Variants in PTPRD observed in about 807,000 individuals in gnomAD.
The protein encoded by PTPRD is protein tyrosine phosphatase receptor type D.
A neutral mutation model predicts 214.5 loss-of-function variants in PTPRD; 34 were observed. That is an observed-to-expected ratio of 0.16 (90% confidence interval 0.12 to 0.21). PTPRD has a LOEUF of 0.21. Among genes scored for constraint, PTPRD ranks in the 10% least tolerant of loss-of-function variants. The pLI is 1.00. For synonymous variants in PTPRD, 1,128 were observed against 845.7 expected (o/e 1.33, Z -5.79); for missense variants, 2,545 against 2,398.7 (o/e 1.06, Z -1.27).
chr9:8,670,597 T>C (rs762634582), intron 12 of PTPRD, among the ~76,000 whole-genome samples: 1 of 152,208 alleles, frequency 6.6e-6, no homozygotes, highest in Non-Finnish European at 1.5e-5. Flanking sequence ...AAGTATCCCA[T>C]ACTTTCGCGT....
intron 7 of PTPRD, among the ~76,000 whole-genome samples, chr9:9,645,418 G>C (rs1817535472): frequency 6.8e-6 from 1 of 146,270 alleles, no homozygotes; most frequent in African/African-American, 2.5e-5. Flanking sequence ...GATTTGCTTT[G>C]TTTTTTTCAT....
chr9:8,476,377 A>T (rs1466902487), intron 30 of PTPRD, among the ~76,000 whole-genome samples: 4 of 151,962 alleles, frequency 2.6e-5, no homozygotes, highest in Admixed American at 6.6e-5. Flanking sequence ...CCCACTGCTT[A>T]CCTCCTGCTG....
chr9:10,231,069 C>T (rs1355059667), intron 3 of PTPRD, among the ~76,000 whole-genome samples: 2 of 151,872 alleles, frequency 1.3e-5, no homozygotes, highest in African/African-American at 2.4e-5. Context: ...GACACAGAAG[C>T]TTGCCTGAAA....
intron 3 of PTPRD, among the ~76,000 whole-genome samples, chr9:10,102,221 A>C (rs911424753): frequency 2.6e-5 from 4 of 151,644 alleles, no homozygotes; most frequent in African/African-American, 7.3e-5. Context: ...TATAATATGC[A>C]TTATCTTTTG....
chr9:9,636,575 C>T (rs541167510), intron 7 of PTPRD, among the ~76,000 whole-genome samples: 8 of 152,290 alleles, frequency 5.3e-5, no homozygotes, highest in African/African-American at 1.9e-4. Context: ...CTTATCACCA[C>T]ATCTATGATA....
At chr9:8,756,322 C>A (rs10116825) in intron 11 of PTPRD, among the ~76,000 whole-genome samples, 1,744 of 152,156 alleles carry the variant, frequency 0.011, 31 homozygotes, top group African/African-American at 0.039. Flanking sequence ...ATTGTCCCCA[C>A]CCCCGGGAGA....
intron 7 of PTPRD, among the ~76,000 whole-genome samples, chr9:9,629,030 C>G (rs1484124408): frequency 6.6e-6 from 1 of 151,370 alleles, no homozygotes; most frequent in Non-Finnish European, 1.5e-5. Context: ...AAAAATTAGC[C>G]AGGCATGGTG....
At chr9:8,667,373 A>C (rs2097191788) in intron 12 of PTPRD, among the ~76,000 whole-genome samples, 1 of 152,054 alleles carries the variant, frequency 6.6e-6, no homozygotes, top group Admixed American at 6.6e-5. Context: ...CAGAAAATTC[A>C]ATTTTTTTTC....
At chr9:9,734,774 A>T (rs1032635480) in intron 6 of PTPRD, among the ~76,000 whole-genome samples, 1 of 152,132 alleles carries the variant, frequency 6.6e-6, no homozygotes, top group East Asian at 1.9e-4. Context: ...TGCCATTAAA[A>T]CAAAGGAAAA....
intron 7 of PTPRD, among the ~76,000 whole-genome samples, chr9:9,609,483 GA>G (rs1333058944): frequency 6.6e-6 from 1 of 152,158 alleles, no homozygotes. Context: ...TTGTTTTTGG[GA>G]CAGAGTCTCG....
At chr9:8,370,182 T>C (rs1216089384) in intron 39 of PTPRD, among the ~76,000 whole-genome samples, 1 of 150,642 alleles carries the variant, frequency 6.6e-6, no homozygotes, top group East Asian at 1.9e-4. Flanking sequence ...TATATGTCTC[T>C]ATTCATGCAC....
At chr9:10,378,038 G>C (rs1053522325) in intron 2 of PTPRD, among the ~76,000 whole-genome samples, 1 of 151,924 alleles carries the variant, frequency 6.6e-6, no homozygotes, top group Admixed American at 6.6e-5. Flanking sequence ...AGCATATGAG[G>C]GTTCCCTTTT....
intron 4 of PTPRD, among the ~76,000 whole-genome samples, chr9:9,940,856 A>T (rs1283123067): frequency 6.6e-6 from 1 of 152,134 alleles, no homozygotes; most frequent in Non-Finnish European, 1.5e-5. Flanking sequence ...CATATTTTAC[A>T]ATCTATGAGA....
intron 9 of PTPRD, among the ~76,000 whole-genome samples, chr9:9,186,882 A>G (rs1195781964): frequency 6.6e-6 from 1 of 152,032 alleles, no homozygotes; most frequent in Non-Finnish European, 1.5e-5. Context: ...TTATATTCTT[A>G]CACATAAAAA....
intron 21 of PTPRD, among the ~76,000 whole-genome samples, chr9:8,514,027 T>A (rs553669390): frequency 6.6e-6 from 1 of 152,270 alleles, no homozygotes; most frequent in Non-Finnish European, 1.5e-5. Flanking sequence ...CCCATTCATC[T>A]AGATTTTCTG....
At chr9:9,937,422 T>TAAA (rs1480030011) in intron 5 of PTPRD, among the ~76,000 whole-genome samples, 2 of 109,500 alleles carry the variant, frequency 1.8e-5, no homozygotes, top group African/African-American at 7.2e-5. Flanking sequence ...GTTCCATAGA[T>TAAA]AAATAAAAAA....
At chr9:9,034,618 C>T (rs2099615813) in intron 10 of PTPRD, among the ~76,000 whole-genome samples, 1 of 152,066 alleles carries the variant, frequency 6.6e-6, no homozygotes, top group African/African-American at 2.4e-5. Context: ...GCCTTTTCTT[C>T]CAAATCTAAA....
At chr9:8,336,634 A>AT (rs1277053930) in intron 43 of PTPRD, among the ~76,000 whole-genome samples, 5 of 151,160 alleles carry the variant, frequency 3.3e-5, no homozygotes, top group Non-Finnish European at 7.4e-5. Flanking sequence ...AGAGCAAAAA[A>AT]AAAAAAAAAA....
chr9:9,915,218 CA>C (rs1289678441), intron 5 of PTPRD, among the ~76,000 whole-genome samples: 1 of 152,118 alleles, frequency 6.6e-6, no homozygotes, highest in Non-Finnish European at 1.5e-5. Context: ...GCCCAAGACC[CA>C]TTCGTATGAA....
Sources: allele counts gnomAD v4.1 joint callset (sites outside exome capture counted in the v4.1 genomes callset), GRCh38; gene constraint gnomAD v4.1.1; transcripts MANE v1.5; gene names NCBI Gene and HGNC (gene_info 2026-07-23, HGNC 2026-07-21).